Variants in ROBO1 observed in about 807,000 individuals in gnomAD.
ROBO1 encodes roundabout guidance receptor 1.
A neutral mutation model predicts 195.9 loss-of-function variants in ROBO1; 149 were observed. That is an observed-to-expected ratio of 0.76 (90% CI 0.67 to 0.87). The LOEUF (loss-of-function observed/expected upper bound fraction) is 0.87. Ranked by LOEUF, ROBO1 falls within the 40% of genes least tolerant of loss-of-function variation. The pLI, the probability that ROBO1 is intolerant of heterozygous loss-of-function variation, is 0.00. For missense variants in ROBO1, 1,933 were observed against 2,068.3 expected, an observed-to-expected ratio of 0.93 and a Z score of 1.27; for synonymous variants, 816 against 733.2, an observed-to-expected ratio of 1.11 and a Z score of -1.82.
chr3:78,964,533 G>C (rs1464181343), intron 3 of ROBO1, among the ~76,000 whole-genome samples: 1 of 152,074 alleles, frequency 6.6e-6, no homozygotes, highest in East Asian at 1.9e-4. Context: ...TAGCCTAATA[G>C]CAACACAGAA....
intron 4 of ROBO1, among the ~76,000 whole-genome samples, chr3:78,880,048 C>T (rs556307342): frequency 3.3e-4 from 50 of 152,084 alleles, no homozygotes; most frequent in African/African-American, 1.1e-3. Context: ...CCTGTAATAC[C>T]TATTAAAGCA....
rs376557917 is a variant in ROBO1 at position 79,053,142 on chromosome 3, G to A, written c.172+72314C>T. ...TCCTGTCACTGTCTGGGGTGATTGG[G>A]CCTTGATACGTGCCATCCTAATGAC... On this transcript the variant is annotated intron_variant, in intron 3 of 30. Coordinates refer to ENST00000464233, the MANE Select transcript of ROBO1 (RefSeq NM_002941.4). Among the ~76,000 whole-genome samples, 88 of 151,988 alleles carry A rather than the reference G, an allele frequency of 5.8e-4. 1 individual carries two copies. The highest frequency in any genetic ancestry group is 2.0e-3 in the African/African-American group (85 of 41,474).
chr3:79,481,030 C>A (rs1938824394), intron 2 of ROBO1, among the ~76,000 whole-genome samples: 1 of 151,944 alleles, frequency 6.6e-6, no homozygotes, highest in Non-Finnish European at 1.5e-5. Context: ...ATTTTATGGC[C>A]TTTTATTGGT....
intron 3 of ROBO1, among the ~76,000 whole-genome samples, chr3:79,032,666 T>A (rs1478245616): frequency 6.6e-6 from 1 of 152,054 alleles, no homozygotes; most frequent in African/African-American, 2.4e-5. Context: ...TATTTCCTAG[T>A]TTTTTATTCA....
intron 14 of ROBO1, among the ~76,000 whole-genome samples, chr3:78,664,406 C>G (rs941819543): frequency 4.6e-5 from 7 of 152,116 alleles, no homozygotes; most frequent in Non-Finnish European, 1.0e-4. Context: ...AAGAATGATA[C>G]ACAGACAGGG....
intron 3 of ROBO1, among the ~76,000 whole-genome samples, chr3:79,002,077 AC>A (rs1418476152): frequency 6.6e-6 from 1 of 152,142 alleles, no homozygotes; most frequent in African/African-American, 2.4e-5. Flanking sequence ...CCACACAGTG[AC>A]AAGAGACTAT....
intron 1 of ROBO1, among the ~76,000 whole-genome samples, chr3:79,597,395 AC>A (rs1384547251): frequency 7.2e-5 from 11 of 152,098 alleles, no homozygotes; most frequent in African/African-American, 4.8e-5. Context: ...AACTTTGAGT[AC>A]TTCAAACCTC....
chr3:79,377,901 G>A (rs1338740799), intron 2 of ROBO1, among the ~76,000 whole-genome samples: 7 of 152,138 alleles, frequency 4.6e-5, no homozygotes, highest in Non-Finnish European at 1.5e-5. Context: ...TGTACACAAA[G>A]GACTTGACTA....
At chr3:79,308,898 A>G (rs1257677583) in intron 2 of ROBO1, among the ~76,000 whole-genome samples, 2 of 152,312 alleles carry the variant, frequency 1.3e-5, no homozygotes, top group African/African-American at 4.8e-5. Context: ...AAGGAAAACA[A>G]TTGAACAATA....
At chr3:79,066,514 C>T (rs74727728) in intron 3 of ROBO1, among the ~76,000 whole-genome samples, 275 of 152,016 alleles carry the variant, frequency 1.8e-3, no homozygotes, top group African/African-American at 6.4e-3. Context: ...AATGAGAACA[C>T]TGTCATTGCC....
At chr3:79,540,827 G>A (rs1226377320) in intron 2 of ROBO1, among the ~76,000 whole-genome samples, 5 of 152,036 alleles carry the variant, frequency 3.3e-5, no homozygotes, top group Admixed American at 6.6e-5. Context: ...TTAAGGCCAC[G>A]AAGATTGTCA....
chr3:78,675,548 C>G (rs941245225), intron 10 of ROBO1, among the ~76,000 whole-genome samples: 1 of 152,130 alleles, frequency 6.6e-6, no homozygotes, highest in East Asian at 1.9e-4. Context: ...CCTACACCCA[C>G]GGAGTCTCGC....
chr3:79,139,443 G>A (rs1481728109), intron 2 of ROBO1, among the ~76,000 whole-genome samples: 1 of 152,088 alleles, frequency 6.6e-6, no homozygotes, highest in Admixed American at 6.6e-5. Flanking sequence ...AGTAATTGGG[G>A]AAATTATGCA....
At chr3:79,611,406 A>G (rs1249583411) in intron 1 of ROBO1, among the ~76,000 whole-genome samples, 1 of 152,108 alleles carries the variant, frequency 6.6e-6, no homozygotes, top group Non-Finnish European at 1.5e-5. Context: ...AATCGATGGG[A>G]TATTATTTTT....
intron 3 of ROBO1, among the ~76,000 whole-genome samples, chr3:78,992,675 A>G (rs932894291): frequency 6.6e-6 from 1 of 152,150 alleles, no homozygotes; most frequent in Non-Finnish European, 1.5e-5. Flanking sequence ...ACAGAATACA[A>G]ATACCCTTGG....
chr3:78,709,203 A>G (rs980915957), intron 8 of ROBO1, among the ~76,000 whole-genome samples: 1 of 152,154 alleles, frequency 6.6e-6, no homozygotes, highest in African/African-American at 2.4e-5. Context: ...TTAAGCAGAA[A>G]CACTTTTCTG....
intron 2 of ROBO1, among the ~76,000 whole-genome samples, chr3:79,128,184 C>G (rs942667617): frequency 6.6e-6 from 1 of 152,040 alleles, no homozygotes; most frequent in East Asian, 1.9e-4. Flanking sequence ...GTGTGTTTAC[C>G]ATATCTAAAG....
intron 5 of ROBO1, among the ~76,000 whole-genome samples, chr3:78,723,554 C>T (rs1376845129): frequency 2.0e-5 from 3 of 152,130 alleles, no homozygotes; most frequent in African/African-American, 4.8e-5. Flanking sequence ...ATTATTATTT[C>T]CTCCAAAACA....
chr3:79,426,584 T>C (rs1006516483), intron 2 of ROBO1, among the ~76,000 whole-genome samples: 7 of 152,116 alleles, frequency 4.6e-5, no homozygotes, highest in African/African-American at 1.4e-4. Flanking sequence ...GCCAGGCTGG[T>C]CTTGAACTCC....
Sources: allele counts gnomAD v4.1 joint callset (sites outside exome capture counted in the v4.1 genomes callset), GRCh38; gene constraint gnomAD v4.1.1; transcripts MANE v1.5; gene names NCBI Gene and HGNC (gene_info 2026-07-23, HGNC 2026-07-21).